The following SPTLC3 variants were observed in gnomAD, a reference collection of about 807,000 sequenced individuals.
The protein encoded by SPTLC3 is serine palmitoyltransferase 3.
SPTLC3 carries 36 observed loss-of-function variants against 59.3 expected under a neutral mutation model. That is an observed-to-expected ratio of 0.61 (90% CI 0.47 to 0.80). SPTLC3 has a LOEUF of 0.80. SPTLC3 is among the 30% of genes least tolerant of loss of function. The probability of loss-of-function intolerance (pLI) is 0.00; values close to 1 mark genes in which losing one functional copy is unlikely to be tolerated. For synonymous variants in SPTLC3, 257 were observed against 240.8 expected (o/e 1.07, Z -0.62); for missense variants, 625 against 685.1 (o/e 0.91, Z 0.98).
chr20:13,133,877 C>A (rs1304529205), intron 9 of SPTLC3, among the ~76,000 whole-genome samples: 2 of 152,178 alleles, frequency 1.3e-5, no homozygotes, highest in Non-Finnish European at 2.9e-5. Flanking sequence ...TCCCTAACAA[C>A]CCCCACCTGG....
chr20:13,089,210 G>T (rs1412385098), intron 4 of SPTLC3, among the ~76,000 whole-genome samples: 1 of 152,106 alleles, frequency 6.6e-6, no homozygotes, highest in African/African-American at 2.4e-5. Context: ...GTTTATAGCG[G>T]CCCTAAACAT....
At chr20:13,103,492 T>C (rs1209061137) in intron 6 of SPTLC3, among the ~76,000 whole-genome samples, 5 of 152,190 alleles carry the variant, frequency 3.3e-5, no homozygotes, top group African/African-American at 1.2e-4. Context: ...ATCTTTTCAT[T>C]TACAAAATAT....
intron 4 of SPTLC3, among the ~76,000 whole-genome samples, chr20:13,078,918 T>C (rs1038761938): frequency 1.4e-4 from 21 of 152,038 alleles, no homozygotes; most frequent in African/African-American, 4.8e-4. Context: ...TTATTAGACA[T>C]AAAAAGATTC....
rs1366678278 is a variant in SPTLC3 at position 13,166,425 on chromosome 20, T to G, written c.*1558T>G. On this transcript the variant is annotated 3_prime_UTR_variant, in exon 12 of 12. Transcript: ENST00000399002. ...TTAAAAATGGATCACAATGATAGAG[T>G]TCTTCATGAATGTTTACAAGTTGTA... 1 of 152,154 alleles carries G rather than the reference T, an allele frequency of 6.6e-6. No individual in the cohort carries two copies. The highest frequency in any genetic ancestry group is 1.9e-4 in the East Asian group (1 of 5,188). 9.4% of individuals were successfully genotyped at this position (152,154 alleles called of 1,614,324 possible). A position where few individuals can be genotyped will look rare whatever the true frequency, so the allele number is the denominator to read the frequency against.
intron 11 of SPTLC3, among the ~76,000 whole-genome samples, chr20:13,164,077 C>T (rs1259274067): frequency 6.6e-6 from 1 of 152,076 alleles, no homozygotes; most frequent in African/African-American, 2.4e-5. Context: ...ACAACAGTCC[C>T]TGGTGTGTGA....
At chr20:13,078,159 T>C (rs1256663897) in intron 4 of SPTLC3, among the ~76,000 whole-genome samples, 1 of 147,826 alleles carries the variant, frequency 6.8e-6, no homozygotes, top group African/African-American at 2.5e-5. Flanking sequence ...GTAAGTAACA[T>C]GTATTTTGTA....
At chr20:13,034,414 A>G (rs1015217959) in intron 1 of SPTLC3, among the ~76,000 whole-genome samples, 3 of 152,186 alleles carry the variant, frequency 2.0e-5, no homozygotes, top group Non-Finnish European at 4.4e-5. Context: ...AATCCCCAGC[A>G]CAGGGCAAAG....
intron 2 of SPTLC3, among the ~76,000 whole-genome samples, chr20:13,059,544 C>T (rs1232021500): frequency 1.3e-5 from 2 of 152,210 alleles, no homozygotes; most frequent in African/African-American, 4.8e-5. Context: ...TCCTACTATC[C>T]CTTACAGGAA....
chr20:13,048,573 A>G (rs967166129), intron 1 of SPTLC3, among the ~76,000 whole-genome samples: 11 of 152,208 alleles, frequency 7.2e-5, no homozygotes, highest in Non-Finnish European at 1.5e-5. Context: ...ACAGGAGTGT[A>G]GAGTGGCTGC....
intron 1 of SPTLC3, among the ~76,000 whole-genome samples, chr20:13,034,476 G>A (rs1986643621): frequency 6.6e-6 from 1 of 152,102 alleles, no homozygotes; most frequent in Admixed American, 6.6e-5. Context: ...TCTCTAGGGA[G>A]CAGATTAGAG....
intron 1 of SPTLC3, among the ~76,000 whole-genome samples, chr20:13,041,570 G>A (rs1258032742): frequency 2.6e-5 from 4 of 151,812 alleles, no homozygotes; most frequent in East Asian, 1.9e-4. Context: ...TAATAGCCAC[G>A]TGGCTGTATT....
rs1985083382 is a variant in SPTLC3 at position 13,009,059 on chromosome 20, TGAGAAG to T, written c.-208_-203del. The T allele has an allele frequency of 2.1e-6, 1 of 478,820 alleles. No homozygotes were observed. Among genetic ancestry groups the T allele is most frequent in the South Asian group, 2.9e-5 (1 of 35,004 alleles). The allele number at this position is 478,820 out of a possible 1,614,324, so 29.7% of individuals were successfully genotyped here. A position where few individuals can be genotyped will look rare whatever the true frequency, so the allele number is the denominator to read the frequency against. ...ATGGAGTTCACATTTTGACGGGAGT[TGAGAAG>T]TATAAAGGTAACCATTTGTTTTAGT... On this transcript the variant is annotated 5_prime_UTR_variant, in exon 1 of 12. Coordinates refer to ENST00000399002, the MANE Select transcript of SPTLC3 (RefSeq NM_018327.4).
At chr20:13,087,071 T>C (rs6109688) in intron 4 of SPTLC3, among the ~76,000 whole-genome samples, 72,731 of 152,074 alleles carry the variant, frequency 0.48, 17,419 homozygotes, top group East Asian at 0.52. Flanking sequence ...GCTGGGATTA[T>C]AGGCATGAGC....
chr20:13,117,334 C>T (rs955759278), intron 7 of SPTLC3, among the ~76,000 whole-genome samples, 172 bp from the exon 8 acceptor site: 2 of 152,156 alleles, frequency 1.3e-5, no homozygotes, highest in African/African-American at 4.8e-5. Flanking sequence ...CATAGAAATG[C>T]CCAAGTGGCC....
chr20:13,009,404 ACT>A lies in SPTLC3; in HGVS notation c.117+23_117+24del. On this transcript the variant is annotated intron_variant, in intron 1 of 11. Transcript: ENST00000399002. ...GCCCAGGTAAGAGGCACTCTCCCCT[ACT>A]CTTCTCTGAATTACCTGAACGTTTC... The A allele has an allele frequency of 1.3e-6, 2 of 1,588,458 alleles. No homozygotes were observed. Among genetic ancestry groups the A allele is most frequent in the South Asian group, 2.2e-5 (2 of 90,436 alleles).
In SPTLC3 at chr20:13,038,369, C is replaced by T. The variant is rs569355364; in HGVS notation, c.118-10576C>T. Among the ~76,000 whole-genome samples the T allele has an allele frequency of 8.5e-5, 13 of 152,100 alleles. No homozygotes were observed. The South Asian group carries it at 1.9e-3, about 22-fold the overall frequency. ...TATTAATTCAATGCCTTCATTTTTA[C>T]GGGTCTATTCAGATTTTCCACTTCT... On this transcript the variant is annotated intron_variant, in intron 1 of 11. Transcript: ENST00000399002.
In SPTLC3 at chr20:13,165,452, G is replaced by T. The variant is rs2038971931; in HGVS notation, c.*585G>T. ...AAGACATAGTTAATGTTTCGAGGGG[G>T]AAAGCAGAACTGATCAACTGCGACT... On this transcript the variant is annotated 3_prime_UTR_variant, in exon 12 of 12. Coordinates refer to ENST00000399002, the MANE Select transcript of SPTLC3 (RefSeq NM_018327.4). The T allele has an allele frequency of 6.6e-6, 1 of 152,380 alleles. No homozygotes were observed. The highest frequency in any genetic ancestry group is 2.1e-4 in the South Asian group (1 of 4,832). The allele number at this position is 152,380 out of a possible 1,614,324, so 9.4% of individuals were successfully genotyped here. A position where few individuals can be genotyped will look rare whatever the true frequency, so the allele number is the denominator to read the frequency against.
chr20:13,030,613 C>T (rs17812085), intron 1 of SPTLC3, among the ~76,000 whole-genome samples: 8,379 of 152,234 alleles, frequency 0.055, 270 homozygotes, highest in South Asian at 0.083. Flanking sequence ...TAAATATTTA[C>T]TGGACCCCTG....
intron 9 of SPTLC3, among the ~76,000 whole-genome samples, chr20:13,138,763 C>T (rs1458730070): frequency 6.6e-6 from 1 of 152,162 alleles, no homozygotes; most frequent in Non-Finnish European, 1.5e-5. Context: ...TTGATAAATG[C>T]ATGGTTTTAT....
Sources: allele counts gnomAD v4.1 joint callset (sites outside exome capture counted in the v4.1 genomes callset), GRCh38; gene constraint gnomAD v4.1.1; transcripts MANE v1.5; gene names NCBI Gene and HGNC (gene_info 2026-07-23, HGNC 2026-07-21).